The following ANO3 variants were observed in gnomAD, a reference collection of about 807,000 sequenced individuals.
ANO3 encodes the protein anoctamin 3.
A neutral mutation model predicts 144.8 loss-of-function variants in ANO3; 99 were observed. The ratio of observed to expected loss-of-function variants is 0.68; its 90% confidence interval spans 0.58 to 0.81. The LOEUF is 0.81. ANO3 is among the 30% of genes least tolerant of loss of function. The pLI, the probability that ANO3 is intolerant of heterozygous loss-of-function variation, is 0.00. For missense variants in ANO3, 905 were observed against 1,202.2 expected, an observed-to-expected ratio of 0.75 and a Z score of 3.66; for synonymous variants, 414 against 392.6, an observed-to-expected ratio of 1.05 and a Z score of -0.64.
chr11:26,399,142 AAC>A (rs1857087170), intron 1 of ANO3, among the ~76,000 whole-genome samples: 2 of 151,884 alleles, frequency 1.3e-5, no homozygotes, highest in Non-Finnish European at 2.9e-5. Flanking sequence ...AATTCTGCCC[AAC>A]CTCACCTTTT....
intron 1 of ANO3, among the ~76,000 whole-genome samples, chr11:26,269,340 C>T (rs374593420): frequency 1.3e-5 from 2 of 152,082 alleles, no homozygotes; most frequent in East Asian, 1.9e-4. Context: ...GAAGGGGAGA[C>T]GTGGAAGGCA....
At chr11:26,213,915 T>C (rs1338351095) in intron 1 of ANO3, among the ~76,000 whole-genome samples, 4 of 152,052 alleles carry the variant, frequency 2.6e-5, no homozygotes, top group Non-Finnish European at 5.9e-5. Context: ...AGTTTAGTTA[T>C]TTGAATTTGC....
At chr11:26,275,990 G>A (rs1853550577) in intron 1 of ANO3, among the ~76,000 whole-genome samples, 1 of 152,054 alleles carries the variant, frequency 6.6e-6, no homozygotes, top group East Asian at 1.9e-4. Context: ...ACTGGTTTGG[G>A]GAAGATTAAA....
At chr11:26,537,319 T>C (rs1849535078) in intron 9 of ANO3, 87 bp from the exon 10 acceptor site, 1 of 1,076,830 alleles carries the variant, frequency 9.3e-7, no homozygotes, top group Non-Finnish European at 1.4e-6. Context: ...TTTTAATCGA[T>C]TCATTGTTCC....
At chr11:26,604,803 A>G (rs1851890657) in intron 17 of ANO3, among the ~76,000 whole-genome samples, 1 of 152,194 alleles carries the variant, frequency 6.6e-6, no homozygotes, top group Admixed American at 6.5e-5. Flanking sequence ...TATCAGCTTA[A>G]GGAGTTTTGG....
chr11:26,597,016 C>T (rs1302456182), intron 14 of ANO3, among the ~76,000 whole-genome samples: 3 of 152,204 alleles, frequency 2.0e-5, no homozygotes, highest in Non-Finnish European at 4.4e-5. Flanking sequence ...CCAGCAGCCA[C>T]GCTAATCGTT....
chr11:26,277,577 C>T (rs749681169), intron 1 of ANO3, among the ~76,000 whole-genome samples: 1 of 151,988 alleles, frequency 6.6e-6, no homozygotes, highest in Non-Finnish European at 1.5e-5. Flanking sequence ...AGATTCTAGC[C>T]AAATTGAACT....
intron 21 of ANO3, among the ~76,000 whole-genome samples, chr11:26,639,659 A>C (rs1853082081): frequency 6.6e-6 from 1 of 152,216 alleles, no homozygotes; most frequent in African/African-American, 2.4e-5. Context: ...AATAAAGCAA[A>C]GATCAAATCC....
chr11:26,449,744 T>C (rs1003651186), intron 3 of ANO3, among the ~76,000 whole-genome samples: 2 of 89,972 alleles, frequency 2.2e-5, no homozygotes, highest in South Asian at 1.1e-3. Context: ...TCTTAAGTAG[T>C]AGAATTGCCT....
At position 26,412,826 on chromosome 11, in the gene ANO3, G is replaced by GTGTGTGTGTGTGTA. The variant is rs1157559353; in HGVS notation, c.47-29089_47-29088insGTGTGTGTGTATGT. 2.9e-3 allele frequency among the ~76,000 whole-genome samples: 435 copies of GTGTGTGTGTGTGTA among 151,296 alleles called. 3 individuals carry two copies. Among genetic ancestry groups the GTGTGTGTGTGTGTA allele is most frequent in the African/African-American group, 9.6e-3 (396 of 41,064 alleles). ...TGTGTGTGTGTGTGTGTGTGTGTGT[G>GTGTGTGTGTGTGTA]TGTATGTATGCATTATTGGGTAAAG... On this transcript the variant is annotated intron_variant, in intron 1 of 26. Transcript: ENST00000256737.
At chr11:26,547,704 G>A (rs1849823990) in intron 12 of ANO3, among the ~76,000 whole-genome samples, 154 bp downstream of exon 12, 1 of 151,594 alleles carries the variant, frequency 6.6e-6, no homozygotes, top group Non-Finnish European at 1.5e-5. Context: ...TTTTTGGTAG[G>A]AAGAGAACAC....
At chr11:26,564,163 T>C (rs1850420371) in intron 14 of ANO3, among the ~76,000 whole-genome samples, 1 of 151,762 alleles carries the variant, frequency 6.6e-6, no homozygotes, top group Non-Finnish European at 1.5e-5. Context: ...TACTCAGTAT[T>C]CTCAATATGT....
At chr11:26,257,962 T>C (rs573338316) in intron 1 of ANO3, among the ~76,000 whole-genome samples, 206 of 152,282 alleles carry the variant, frequency 1.4e-3, no homozygotes, top group African/African-American at 4.0e-3. Flanking sequence ...TTTTATTTCA[T>C]ATTTCCTATG....
chr11:26,627,834 T>C (rs1007301903), intron 18 of ANO3, among the ~76,000 whole-genome samples: 4 of 139,648 alleles, frequency 2.9e-5, no homozygotes, highest in African/African-American at 8.1e-5. Flanking sequence ...TGTGTGTGTG[T>C]GTGTGTGTGT....
chr11:26,480,379 C>G (rs1268638575), intron 4 of ANO3, among the ~76,000 whole-genome samples: 2 of 151,850 alleles, frequency 1.3e-5, no homozygotes, highest in Admixed American at 6.6e-5. Flanking sequence ...GTTATAAGGG[C>G]CTGTTTGATT....
intron 1 of ANO3, among the ~76,000 whole-genome samples, chr11:26,209,877 T>G (rs1162642938): frequency 1.3e-5 from 2 of 152,170 alleles, no homozygotes; most frequent in Non-Finnish European, 2.9e-5. Context: ...CTTTGTAGAT[T>G]CTGGATATTA....
At chr11:26,342,552 G>A (rs1249632821) in intron 1 of ANO3, among the ~76,000 whole-genome samples, 1 of 152,096 alleles carries the variant, frequency 6.6e-6, no homozygotes, top group Non-Finnish European at 1.5e-5. Context: ...GAGCCTACTG[G>A]CACCTTGATC....
chr11:26,399,528 G>A (rs1255896307), intron 1 of ANO3, among the ~76,000 whole-genome samples: 5 of 151,852 alleles, frequency 3.3e-5, no homozygotes, highest in South Asian at 2.1e-4. Flanking sequence ...ACTTCGTTCT[G>A]TCTCTGTGGG....
At chr11:26,227,324 T>C (rs974900438) in intron 1 of ANO3, among the ~76,000 whole-genome samples, 1 of 152,216 alleles carries the variant, frequency 6.6e-6, no homozygotes, top group Non-Finnish European at 1.5e-5. Context: ...TTTATAACTC[T>C]GATGATTTGC....
Sources: gnomAD v4.1 joint callset for allele counts (sites outside exome capture counted in the v4.1 genomes callset) on GRCh38, gnomAD v4.1.1 for gene constraint, MANE v1.5 for transcripts, NCBI Gene and HGNC (gene_info 2026-07-23, HGNC 2026-07-21) for gene names.